Variants in OR10G3 observed in about 807,000 individuals in gnomAD.
The protein encoded by OR10G3 is olfactory receptor family 10 subfamily G member 3.
In OR10G3, 8 loss-of-function variants were observed where a neutral mutation model predicts 13.4. That is an observed-to-expected ratio of 0.60 (90% CI 0.35 to 1.08). The LOEUF (loss-of-function observed/expected upper bound fraction) is 1.08. Ranked by LOEUF, OR10G3 falls within the 50% of genes least tolerant of loss-of-function variation. The pLI is 0.02. For missense variants in OR10G3, 393 were observed against 386.6 expected (o/e 1.02, Z -0.14); for synonymous variants, 142 against 156.1 (o/e 0.91, Z 0.67).
chr14:21,576,325 A>G (rs753472729), intron 1 of OR10G3, among the ~76,000 whole-genome samples: 16 of 152,220 alleles, frequency 1.1e-4, no homozygotes, highest in Admixed American at 8.5e-4. Flanking sequence ...GCACCCACGT[A>G]TTAATACTTC....
chr14:21,580,053 G>C lies in OR10G3; in HGVS notation c.-285C>G, dbSNP rs1366882380. The stretch of plus-strand genomic sequence containing the variant: ...GGGAGGAGCTGTGGCTCTTACTGAA[G>C]ATAACTGTTAAGGTTGGTCTCTCCT... On this transcript the variant is annotated 5_prime_UTR_variant, in exon 1 of 2. The change creates a new upstream start codon in the 5' untranslated region. Coordinates refer to ENST00000641040, the MANE Select transcript of OR10G3 (RefSeq NM_001005465.2). 6.6e-6 allele frequency: 1 copy of C among 152,214 alleles called. No individual in the cohort carries two copies. The highest frequency in any genetic ancestry group is 1.5e-5 in the Non-Finnish European group (1 of 68,048). The allele number at this position is 152,214 out of a possible 1,614,324, so 9.4% of individuals were successfully genotyped here.
chr14:21,569,740 C>A lies in OR10G3; in HGVS notation c.*63G>T. 1.5e-6 allele frequency: 2 copies of A among 1,369,300 alleles called. No individual in the cohort carries two copies. Among genetic ancestry groups the A allele is most frequent in the East Asian group, 2.3e-5 (1 of 42,694 alleles). 84.8% of individuals were successfully genotyped at this position (1,369,300 alleles called of 1,614,324 possible). On this transcript the variant is annotated 3_prime_UTR_variant, in exon 2 of 2. Coordinates refer to ENST00000641040, the MANE Select transcript of OR10G3 (RefSeq NM_001005465.2). ...AACAAGAAGAAAAGAAAAAAGTTAC[C>A]GAAGCCTAAACATTATAATAAATTC... is the stretch of plus-strand genomic sequence containing the variant.
chr14:21,572,702 C>A lies in OR10G3; in HGVS notation c.-17-1941G>T, dbSNP rs1330966843. The stretch of plus-strand genomic sequence containing the variant: ...CCTATAATTTTCAGATATCTAAATT[C>A]ATGGCTTGGAAACTTTTTTGAAAAT... On this transcript the variant is annotated intron_variant, in intron 1 of 1. Coordinates refer to ENST00000641040, the MANE Select transcript of OR10G3 (RefSeq NM_001005465.2). Among the ~76,000 whole-genome samples, 3 of 150,624 alleles carry A rather than the reference C, an allele frequency of 2.0e-5. No individual in the cohort carries two copies. In the East Asian group the frequency reaches 5.9e-4, roughly 29 times the overall value.
In OR10G3 at chr14:21,569,369, C is replaced by T. The variant is rs1035708462; in HGVS notation, c.*434G>A. ...CAAATGTTAATCTCTTTTGGCAACA[C>T]CCTCACAGGCACACCCAGGATCAAT... On this transcript the variant is annotated 3_prime_UTR_variant, in exon 2 of 2. Coordinates refer to ENST00000641040, the MANE Select transcript of OR10G3 (RefSeq NM_001005465.2). 1 of 160,752 alleles carries T rather than the reference C, an allele frequency of 6.2e-6. No individual in the cohort carries two copies. The highest frequency in any genetic ancestry group is 1.4e-5 in the Non-Finnish European group (1 of 73,170). The allele number at this position is 160,752 out of a possible 1,614,324, so 10.0% of individuals were successfully genotyped here. A position where few individuals can be genotyped will look rare whatever the true frequency, so the allele number is the denominator to read the frequency against.
At chr14:21,574,121 G>A (rs1454778023) in intron 1 of OR10G3, among the ~76,000 whole-genome samples, 1 of 151,724 alleles carries the variant, frequency 6.6e-6, no homozygotes, top group Non-Finnish European at 1.5e-5. Flanking sequence ...GGCTAACACG[G>A]TGAAACCCCG....
chr14:21,572,155 G>A (rs1257402448), intron 1 of OR10G3, among the ~76,000 whole-genome samples: 5 of 151,278 alleles, frequency 3.3e-5, no homozygotes, highest in Admixed American at 2.6e-4. Context: ...AGCCAGGCAC[G>A]GTGGTGGGCA....
At position 21,570,179 on chromosome 14, in the gene OR10G3, G is replaced by C; in HGVS notation, c.566C>G (p.Ala189Gly). The C allele has an allele frequency of 6.2e-7, 1 of 1,614,206 alleles. No homozygotes were observed. Among genetic ancestry groups the C allele is most frequent in the African/African-American group, 1.3e-5 (1 of 75,028 alleles). Residue 189 changes from alanine (A) to glycine (G), a missense_variant, in exon 2 of 2, where the codon GCC becomes GGC. Ala to Gly is a moderately conservative substitution (Grantham distance 60, BLOSUM62 0). Coordinates refer to ENST00000641040, the MANE Select transcript of OR10G3 (RefSeq NM_001005465.2). ...CTCGTTGACTGTTGTGTCAGCACAG[G>C]CCAGTCTCAACACTGCAGGGATGTC... Reference protein sequence around the residue: ...FCDIPAVLRLACADTTVNELV... With the variant: ...FCDIPAVLRLGCADTTVNELV...
At chr14:21,576,471 A>G (rs1241953303) in intron 1 of OR10G3, among the ~76,000 whole-genome samples, 1 of 152,218 alleles carries the variant, frequency 6.6e-6, no homozygotes, top group African/African-American at 2.4e-5. Context: ...ATCTGTATCT[A>G]AGGGAATACT....
rs771250649 is a variant in OR10G3, at chr14:21,570,514, G to C, written c.231C>G (p.Ile77Met). 6.2e-7 allele frequency: 1 copy of C among 1,614,188 alleles called. No homozygotes were observed. The highest frequency in any genetic ancestry group is 8.5e-7 in the Non-Finnish European group (1 of 1,180,024). The change falls in exon 2 of 2, where the codon ATC (isoleucine) becomes ATG (methionine). Residue 77 changes from isoleucine (I) to methionine (M), a missense_variant. Ile to Met is a conservative substitution (Grantham distance 10). Transcript: ENST00000641040. ...AGTTCATCATGAGGCGAGGGACAAT[G>C]ATGGAGGAGATGCTCATATCAATGA... is the stretch of plus-strand genomic sequence containing the variant. ...LSVIDMSISS[I>M]IVPRLMMNFT... is the part of the protein sequence containing the mutation.
In OR10G3 at chr14:21,570,502, G is replaced by T. The variant is rs369685263; in HGVS notation, c.243C>A (p.Arg81=). The part of the protein sequence containing the change: ...DMSISSIIVP[R]LMMNFTLGVK... The stretch of plus-strand genomic sequence containing the variant: ...CACCTAAAGTGAAGTTCATCATGAG[G>T]CGAGGGACAATGATGGAGGAGATGC... Residue 81 remains arginine, a synonymous_variant, in exon 2 of 2, where the codon CGC becomes CGA. Transcript: ENST00000641040. The T allele has an allele frequency of 2.2e-4, 351 of 1,614,176 alleles. 3 individuals carry two copies. In the South Asian group the frequency reaches 3.6e-3, roughly 17 times the overall value.
chr14:21,578,052 A>G (rs539821803), intron 1 of OR10G3, among the ~76,000 whole-genome samples: 1 of 152,110 alleles, frequency 6.6e-6, no homozygotes, highest in African/African-American at 2.4e-5. Context: ...TATTTCACAG[A>G]TACTTAGTCT....
chr14:21,569,872 CAG>C lies in OR10G3; in HGVS notation c.871_872del (p.Leu291AlafsTer21), dbSNP rs1256402511. 1 of 1,614,180 alleles carries C rather than the reference CAG, an allele frequency of 6.2e-7. No individual in the cohort carries two copies. Among genetic ancestry groups the C allele is most frequent in the South Asian group, 1.1e-5 (1 of 91,082 alleles). On this transcript the variant is annotated frameshift_variant, in exon 2 of 2. Transcript: ENST00000641040. LOFTEE classifies it high-confidence loss of function. ...GGGCCAGCTTCACCTCTTGGTTCCG[CAG>C]AGTGTAGATAAGGGGGTTGAGGAAA... ...TPFLNPLIYT[L>X]RNQEVKLALK...
At chr14:21,579,256 T>A (rs1019196828) in intron 1 of OR10G3, among the ~76,000 whole-genome samples, 3 of 152,210 alleles carry the variant, frequency 2.0e-5, no homozygotes, top group South Asian at 4.1e-4. Context: ...TTTTAATTTT[T>A]ATTTTTGAGA....
rs1168470235 is a variant in OR10G3 at position 21,572,605 on chromosome 14, AAAC to A, written c.-17-1847_-17-1845del. On this transcript the variant is annotated intron_variant, in intron 1 of 1. Coordinates refer to ENST00000641040, the MANE Select transcript of OR10G3 (RefSeq NM_001005465.2). Reference sequence around the variant, plus strand: ...GAGCGAGACTCCATCTCAAACAAACAAACAAAAAAAAAAAAAAAAAAAAAAAGA... The same window carrying A: ...GAGCGAGACTCCATCTCAAACAAACAAAAAAAAAAAAAAAAAAAAAAAAGA... Among the ~76,000 whole-genome samples, 4 of 90,154 alleles carry A rather than the reference AAAC, an allele frequency of 4.4e-5. No individual in the cohort carries two copies. In the Admixed American group the frequency reaches 4.6e-4, roughly 10 times the overall value. 59.1% of individuals were successfully genotyped at this position (90,154 alleles called of 152,430 possible). A position where few individuals can be genotyped will look rare whatever the true frequency, so the allele number is the denominator to read the frequency against.
chr14:21,579,551 C>T (rs913244229), intron 1 of OR10G3, among the ~76,000 whole-genome samples: 3 of 151,980 alleles, frequency 2.0e-5, no homozygotes, highest in African/African-American at 7.3e-5. Context: ...GGCCTATTAG[C>T]CACTATTTAT....
chr14:21,573,595 C>G (rs1893095421), intron 1 of OR10G3, among the ~76,000 whole-genome samples: 1 of 149,414 alleles, frequency 6.7e-6, no homozygotes, highest in Non-Finnish European at 1.5e-5. Context: ...TTGCTTGAAC[C>G]CAGGAGGTGG....
In OR10G3 at chr14:21,579,926, C is replaced by T. The variant is rs2139716577; in HGVS notation, c.-158G>A. 6.6e-6 allele frequency: 1 copy of T among 152,124 alleles called. No individual in the cohort carries two copies. The highest frequency in any genetic ancestry group is 1.9e-4 in the East Asian group (1 of 5,166). The allele number at this position is 152,124 out of a possible 1,614,324, so 9.4% of individuals were successfully genotyped here. A position where few individuals can be genotyped will look rare whatever the true frequency, so the allele number is the denominator to read the frequency against. On this transcript the variant is annotated 5_prime_UTR_variant, in exon 1 of 2. Coordinates refer to ENST00000641040, the MANE Select transcript of OR10G3 (RefSeq NM_001005465.2). ...TCGTGGCAGAAGACCCAACTAATTACTTTTGGCTGGATCAAAGTAAAGAGT... is the reference window on the plus strand; with the variant it reads ...TCGTGGCAGAAGACCCAACTAATTATTTTTGGCTGGATCAAAGTAAAGAGT...
rs1893026729 is a variant in OR10G3 at position 21,568,672 on chromosome 14, C to G, written c.*1131G>C. Reference sequence around the variant, plus strand: ...CCAATATGTAGTCTTTTATCTTTCACCCCTGTGTTAGTCAGGGGTCTCTTT... The same window carrying G: ...CCAATATGTAGTCTTTTATCTTTCAGCCCTGTGTTAGTCAGGGGTCTCTTT... On this transcript the variant is annotated 3_prime_UTR_variant, in exon 2 of 2. Coordinates refer to ENST00000641040, the MANE Select transcript of OR10G3 (RefSeq NM_001005465.2). 1 of 151,044 alleles carries G rather than the reference C, an allele frequency of 6.6e-6. No homozygotes were observed. The highest frequency in any genetic ancestry group is 1.5e-5 in the Non-Finnish European group (1 of 67,826). 9.4% of individuals were successfully genotyped at this position (151,044 alleles called of 1,614,324 possible). A position where few individuals can be genotyped will look rare whatever the true frequency, so the allele number is the denominator to read the frequency against.
In OR10G3 at chr14:21,569,934, C is replaced by T. The variant is rs757949052; in HGVS notation, c.811G>A (p.Gly271Arg). Residue 271 changes from glycine (G) to arginine (R), a missense_variant, in exon 2 of 2, where the codon GGG (glycine) becomes AGG (arginine). Transcript: ENST00000641040. Reference sequence around the variant, plus strand: ...GCCGTGGGGACTAGGGCAGCTGCCCCATCCAGGGGGCTGTTGGTTTCAGGC... The same window carrying T: ...GCCGTGGGGACTAGGGCAGCTGCCCTATCCAGGGGGCTGTTGGTTTCAGGC... ...LRPETNSPLDGAAALVPTAIT... is the reference protein window; with the variant it reads ...LRPETNSPLDRAAALVPTAIT... 1.9e-6 allele frequency: 3 copies of T among 1,612,824 alleles called. No homozygotes were observed. In the South Asian group the frequency reaches 3.3e-5, roughly 18 times the overall value.
Sources: allele counts gnomAD v4.1 joint callset (sites outside exome capture counted in the v4.1 genomes callset), GRCh38; gene constraint gnomAD v4.1.1; transcripts MANE v1.5; gene names NCBI Gene and HGNC (gene_info 2026-07-23, HGNC 2026-07-21).